SPICE1: variants seen among roughly 807,000 people sequenced by gnomAD.
SPICE1 encodes the protein spindle and centriole-associated protein 1.
In SPICE1, 75 loss-of-function variants were observed where a neutral mutation model predicts 102.7. The ratio of observed to expected loss-of-function variants is 0.73; its 90% confidence interval spans 0.61 to 0.88. The LOEUF is 0.88. Ranked by LOEUF, SPICE1 falls within the 40% of genes least tolerant of loss-of-function variation. The probability of loss-of-function intolerance (pLI) is 0.00; values close to 1 mark genes in which losing one functional copy is unlikely to be tolerated. For missense variants in SPICE1, 979 were observed against 1,020.1 expected (o/e 0.96, Z 0.55); for synonymous variants, 308 against 350.3 (o/e 0.88, Z 1.35).
At chr3:113,497,837 G>A (rs2107499612) in intron 4 of SPICE1, among the ~76,000 whole-genome samples, 1 of 150,700 alleles carries the variant, frequency 6.6e-6, no homozygotes, top group Non-Finnish European at 1.5e-5. Context: ...TGAGTAGCTG[G>A]GACTACAGGC....
rs186338840 is a variant in SPICE1 at position 113,458,669 on chromosome 3, G to A, written c.1436-1312C>T. On this transcript the variant is annotated intron_variant, in intron 12 of 17. Transcript: ENST00000295872. The stretch of plus-strand genomic sequence containing the variant: ...AAGTGAGGAGCGTCTCTGCCTGGCC[G>A]CCCGTCGTCTGGGATGTAAGGAGCC... Among the ~76,000 whole-genome samples, 620 of 151,934 alleles carry A rather than the reference G, an allele frequency of 4.1e-3. 4 individuals carry two copies. Among genetic ancestry groups the A allele is most frequent in the African/African-American group, 0.014 (574 of 41,404 alleles).
At chr3:113,466,608 CAAAAAA>C (rs540786121) in intron 10 of SPICE1, among the ~76,000 whole-genome samples, 1 of 101,488 alleles carries the variant, frequency 9.9e-6, no homozygotes, top group East Asian at 2.7e-4. Flanking sequence ...GACTCTGTCT[CAAAAAA>C]AAAAAAAAAA....
intron 7 of SPICE1, among the ~76,000 whole-genome samples, chr3:113,477,731 A>G (rs1281115738): frequency 6.7e-6 from 1 of 149,514 alleles, no homozygotes; most frequent in Non-Finnish European, 1.5e-5. Context: ...GTGGGAACTG[A>G]ACAATGAGAA....
At chr3:113,479,903 T>C (rs1229334821) in intron 7 of SPICE1, among the ~76,000 whole-genome samples, 3 of 151,910 alleles carry the variant, frequency 2.0e-5, no homozygotes, top group East Asian at 3.9e-4. Flanking sequence ...AAGCAAAAAT[T>C]GATGAGGAAG....
At chr3:113,458,135 A>G (rs1014020351) in intron 12 of SPICE1, among the ~76,000 whole-genome samples, 2 of 152,040 alleles carry the variant, frequency 1.3e-5, no homozygotes, top group Non-Finnish European at 2.9e-5. Context: ...TCCACAGGCA[A>G]TAACAAGAAT....
intron 10 of SPICE1, among the ~76,000 whole-genome samples, chr3:113,466,541 C>G (rs928716987): frequency 1.3e-5 from 2 of 150,786 alleles, no homozygotes; most frequent in Admixed American, 1.3e-4. Flanking sequence ...ACCCAGGAGG[C>G]AGAGGTTGCA....
At chr3:113,452,539 C>T (rs1935679000) in intron 14 of SPICE1, among the ~76,000 whole-genome samples, 1 of 151,910 alleles carries the variant, frequency 6.6e-6, no homozygotes, top group African/African-American at 2.4e-5. Context: ...CAAAAATTCA[C>T]CAGGTGTGGT....
intron 7 of SPICE1, among the ~76,000 whole-genome samples, chr3:113,476,613 C>A (rs1936354562): frequency 6.8e-6 from 1 of 147,128 alleles, no homozygotes; most frequent in Admixed American, 6.8e-5. Flanking sequence ...CAGAACAGAG[C>A]CCTCAGAAAT....
At position 113,460,639 on chromosome 3, in the gene SPICE1, A is replaced by C. The variant is rs757433423; in HGVS notation, c.1413T>G (p.Gly471=). The part of the protein sequence containing the change: ...EIQASESGAT[G]RRVMDSPERP... Reference sequence around the variant, plus strand: ...CACCTGGACTGTCCATAACTCTTCTACCTGTGGCTCCGCTTTCTGATGCCT... The same window carrying C: ...CACCTGGACTGTCCATAACTCTTCTCCCTGTGGCTCCGCTTTCTGATGCCT... The change falls in exon 12 of 18, where the codon GGT becomes GGG. Residue 471 remains glycine (G), a synonymous_variant. Coordinates refer to ENST00000295872, the MANE Select transcript of SPICE1 (RefSeq NM_144718.4). The C allele has an allele frequency of 1.2e-6, 2 of 1,613,230 alleles. No homozygotes were observed. The highest frequency in any genetic ancestry group is 1.7e-5 in the Admixed American group (1 of 59,952).
chr3:113,462,363 C>A (rs1353815882), intron 11 of SPICE1, among the ~76,000 whole-genome samples: 1 of 152,238 alleles, frequency 6.6e-6, no homozygotes, highest in East Asian at 1.9e-4. Context: ...AATAGTGATG[C>A]CTGCCATCTA....
At chr3:113,489,150 A>C (rs144050241) in intron 6 of SPICE1, 87 bp from the exon 7 acceptor site, 1 of 775,868 alleles carries the variant, frequency 1.3e-6, no homozygotes, top group African/African-American at 1.7e-5. Context: ...AACAGAAGAG[A>C]GTTCCCTCCT....
chr3:113,452,347 T>C (rs1576621450), intron 14 of SPICE1, among the ~76,000 whole-genome samples: 2 of 152,334 alleles, frequency 1.3e-5, no homozygotes, highest in South Asian at 2.1e-4. Context: ...GATCCCCAGA[T>C]GATTAATATG....
Position 113,460,676 on chromosome 3 carries a change from C to G in SPICE1, c.1376G>C (p.Arg459Thr), listed in dbSNP as rs1935911941. 6.2e-7 allele frequency: 1 copy of G among 1,613,668 alleles called. No individual in the cohort carries two copies. Among genetic ancestry groups the G allele is most frequent in the South Asian group, 1.1e-5 (1 of 91,042 alleles). The change falls in exon 12 of 18, where the codon AGA becomes ACA. Residue 459 changes from arginine to threonine, a missense_variant. Arg to Thr is a moderately conservative substitution (Grantham distance 71). Coordinates refer to ENST00000295872, the MANE Select transcript of SPICE1 (RefSeq NM_144718.4). ...AIKNCPVINNRQEIQASESGA... is the reference protein window; with the variant it reads ...AIKNCPVINNTQEIQASESGA... ...GCTTTCTGATGCCTGAATTTCTTGT[C>G]TGTTATTTATCACAGGACAGTTCTT...
intron 3 of SPICE1, among the ~76,000 whole-genome samples, chr3:113,502,562 G>C (rs753229186): frequency 5.3e-5 from 8 of 150,722 alleles, no homozygotes; most frequent in Non-Finnish European, 1.2e-4. Context: ...AAATTAGATA[G>C]TGACAATGGT....
chr3:113,459,632 C>T (rs1218581493), intron 12 of SPICE1: 7 of 980,926 alleles, frequency 7.1e-6, no homozygotes, highest in Non-Finnish European at 8.5e-6. Flanking sequence ...GCCTGTAATC[C>T]CAACACTTTG....
intron 6 of SPICE1, among the ~76,000 whole-genome samples, chr3:113,490,469 C>T (rs897331402): frequency 6.6e-6 from 1 of 151,904 alleles, no homozygotes; most frequent in Non-Finnish European, 1.5e-5. Flanking sequence ...TGGCAAAACC[C>T]CGTCTCCACC....
At position 113,460,746 on chromosome 3, in the gene SPICE1, T is replaced by C. The variant is rs973307754; in HGVS notation, c.1306A>G (p.Met436Val). 1 of 1,607,924 alleles carries C rather than the reference T, an allele frequency of 6.2e-7. No homozygotes were observed. Among genetic ancestry groups the C allele is most frequent in the Middle Eastern group, 1.7e-4 (1 of 6,020 alleles). ...ATCAGTTGCTCATCTGTTGTGACCATGTACTGCTGAAGTCTTGCCTGGGGA... is the reference window on the plus strand; with the variant it reads ...ATCAGTTGCTCATCTGTTGTGACCACGTACTGCTGAAGTCTTGCCTGGGGA... ...AATQARLQQYMVTTDEQLISL... is the reference protein window; with the variant it reads ...AATQARLQQYVVTTDEQLISL... The change falls in exon 12 of 18, where the codon ATG (methionine) becomes GTG (valine). Residue 436 changes from methionine to valine, a missense_variant. By Grantham distance (21) the Met-to-Val change is conservative. Coordinates refer to ENST00000295872, the MANE Select transcript of SPICE1 (RefSeq NM_144718.4).
At chr3:113,506,865 G>A (rs1937123437) in intron 1 of SPICE1, among the ~76,000 whole-genome samples, 1 of 152,172 alleles carries the variant, frequency 6.6e-6, no homozygotes, top group South Asian at 2.1e-4. Flanking sequence ...TAGGAATGCA[G>A]AAATTATGGC....
At chr3:113,477,060 T>G (rs1936368281) in intron 7 of SPICE1, among the ~76,000 whole-genome samples, 1 of 151,658 alleles carries the variant, frequency 6.6e-6, no homozygotes, top group Non-Finnish European at 1.5e-5. Flanking sequence ...ATATCCAGAA[T>G]CTACAAAGAA....
Sources: allele counts gnomAD v4.1 joint callset (sites outside exome capture counted in the v4.1 genomes callset), GRCh38; gene constraint gnomAD v4.1.1; transcripts MANE v1.5; gene names NCBI Gene and HGNC (gene_info 2026-07-23, HGNC 2026-07-21).